Variants in KCNJ12 observed in about 807,000 individuals in gnomAD.
The protein encoded by KCNJ12 is ATP-sensitive inward rectifier potassium channel 12.
Under a neutral mutation model 22.3 loss-of-function variants are expected in KCNJ12, and 2 were observed. The ratio of observed to expected loss-of-function variants is 0.09; its 90% CI spans 0.04 to 0.28. The LOEUF is 0.28. KCNJ12 is among the 10% of genes least tolerant of loss of function. The pLI is 1.00. For missense variants in KCNJ12, 155 were observed against 633.3 expected (o/e 0.24, Z 8.11); for synonymous variants, 117 against 261.4 (o/e 0.45, Z 5.33).
At chr17:21,388,623 G>A (rs1905133545) in intron 1 of KCNJ12, among the ~76,000 whole-genome samples, 1 of 152,246 alleles carries the variant, frequency 6.6e-6, no homozygotes, top group Non-Finnish European at 1.5e-5. Flanking sequence ...AGGAAGTAGT[G>A]TGACGTCGTG....
intron 1 of KCNJ12, among the ~76,000 whole-genome samples, chr17:21,398,091 ATGTGTGTG>A (rs58836229): frequency 3.4e-5 from 5 of 146,924 alleles, no homozygotes; most frequent in South Asian, 2.2e-4. Context: ...ACGTGTGTGT[ATGTGTGTG>A]TGTGTGTGTG....
chr17:21,394,952 C>T (rs1186883678), intron 1 of KCNJ12, among the ~76,000 whole-genome samples: 1 of 152,218 alleles, frequency 6.6e-6, no homozygotes, highest in Admixed American at 6.5e-5. Context: ...CAGACCATGA[C>T]CACATGGGAT....
intron 1 of KCNJ12, among the ~76,000 whole-genome samples, chr17:21,400,356 C>T (rs567547517): frequency 2.0e-5 from 3 of 152,428 alleles, no homozygotes; most frequent in South Asian, 4.1e-4. Context: ...GTTTCCAGCC[C>T]TGTTGACCCT....
intron 2 of KCNJ12, among the ~76,000 whole-genome samples, chr17:21,411,408 A>G (rs1333306684): frequency 6.6e-6 from 1 of 151,942 alleles, no homozygotes; most frequent in Non-Finnish European, 1.5e-5. Context: ...CTCTCTCCCC[A>G]CTGCCTGCTC....
rs1233848314 is a variant in KCNJ12 at position 21,417,445 on chromosome 17, T to C, written c.*801T>C. 6.0e-6 allele frequency: 1 copy of C among 167,150 alleles called. No homozygotes were observed. Among genetic ancestry groups the C allele is most frequent in the African/African-American group, 2.4e-5 (1 of 41,464 alleles). The allele number at this position is 167,150 out of a possible 1,614,324, so 10.4% of individuals were successfully genotyped here. A position where few individuals can be genotyped will look rare whatever the true frequency, so the allele number is the denominator to read the frequency against. Reference sequence around the variant, plus strand: ...TGCCTTTGTACCTTAGAGATGTGTCTCAGGGCCAGGCATGGGACCTGCCAT... The same window carrying C: ...TGCCTTTGTACCTTAGAGATGTGTCCCAGGGCCAGGCATGGGACCTGCCAT... On this transcript the variant is annotated 3_prime_UTR_variant, in exon 3 of 3. Coordinates refer to ENST00000583088, the MANE Select transcript of KCNJ12 (RefSeq NM_021012.5).
At chr17:21,392,572 C>T (rs1485301372) in intron 1 of KCNJ12, among the ~76,000 whole-genome samples, 1 of 152,250 alleles carries the variant, frequency 6.6e-6, no homozygotes, top group African/African-American at 2.4e-5. Context: ...CCGGCACTGG[C>T]CTTGGAGGGG....
At chr17:21,408,150 T>G (rs1906093103) in intron 1 of KCNJ12, among the ~76,000 whole-genome samples, 1 of 152,302 alleles carries the variant, frequency 6.6e-6, no homozygotes, top group Non-Finnish European at 1.5e-5. Flanking sequence ...GTGGGAGAAT[T>G]ACCACATTAA....
At chr17:21,401,990 C>A (rs1352819730) in intron 1 of KCNJ12, among the ~76,000 whole-genome samples, 1 of 152,242 alleles carries the variant, frequency 6.6e-6, no homozygotes, top group Non-Finnish European at 1.5e-5. Flanking sequence ...TAGTGTCTGG[C>A]ATGCAGCTTC....
At chr17:21,389,154 G>A (rs1905146663) in intron 1 of KCNJ12, among the ~76,000 whole-genome samples, 1 of 152,220 alleles carries the variant, frequency 6.6e-6, no homozygotes, top group Admixed American at 6.5e-5. Flanking sequence ...TCCAGAGGAC[G>A]GGGTCTGAGT....
In KCNJ12 at chr17:21,391,571, G is replaced by T. The variant is rs115256164; in HGVS notation, c.-179+14658G>T. 6.1e-3 allele frequency among the ~76,000 whole-genome samples: 936 copies of T among 152,334 alleles called. 6 individuals carry two copies. Among genetic ancestry groups the T allele is most frequent in the African/African-American group, 0.021 (889 of 41,578 alleles). On this transcript the variant is annotated intron_variant, in intron 1 of 2. Coordinates refer to ENST00000583088, the MANE Select transcript of KCNJ12 (RefSeq NM_021012.5). ...TGTGCTCTCTGGGAACAACTGCCTTGCGGCGCTCCGCCCAGCCCTCTTCCT... is the reference window on the plus strand; with the variant it reads ...TGTGCTCTCTGGGAACAACTGCCTTTCGGCGCTCCGCCCAGCCCTCTTCCT...
chr17:21,412,082 T>C (rs562297617), intron 2 of KCNJ12, among the ~76,000 whole-genome samples: 1 of 152,418 alleles, frequency 6.6e-6, no homozygotes, highest in African/African-American at 2.4e-5. Flanking sequence ...GGCTGAGGAC[T>C]GACATTCTGG....
At chr17:21,402,572 A>G (rs1263790610) in intron 1 of KCNJ12, among the ~76,000 whole-genome samples, 1 of 152,428 alleles carries the variant, frequency 6.6e-6, no homozygotes, top group East Asian at 1.9e-4. Flanking sequence ...CCTGGACTCT[A>G]CATCTCTGAG....
intron 1 of KCNJ12, among the ~76,000 whole-genome samples, chr17:21,382,776 G>A (rs908303114): frequency 1.1e-4 from 17 of 152,208 alleles, no homozygotes; most frequent in Non-Finnish European, 2.2e-4. Flanking sequence ...AGCCAGGTGT[G>A]CCAGGATGGG....
intron 1 of KCNJ12, among the ~76,000 whole-genome samples, chr17:21,400,901 G>A (rs1369044138): frequency 1.3e-3 from 196 of 151,736 alleles, no homozygotes; most frequent in African/African-American, 4.2e-3. Flanking sequence ...GGTGGCAGCC[G>A]TCCTACTGAC....
chr17:21,390,732 T>A (rs1234009541), intron 1 of KCNJ12, among the ~76,000 whole-genome samples: 1 of 152,238 alleles, frequency 6.6e-6, no homozygotes, highest in Non-Finnish European at 1.5e-5. Flanking sequence ...TCTGTCAGGC[T>A]GTGGTTGGTT....
At chr17:21,411,224 A>G (rs1706156234) in intron 2 of KCNJ12, among the ~76,000 whole-genome samples, 1 of 152,298 alleles carries the variant, frequency 6.6e-6, no homozygotes, top group African/African-American at 2.4e-5. Context: ...CCTCCCGGTG[A>G]CTCCTGGACC....
chr17:21,376,441 C>G lies in KCNJ12; in HGVS notation c.-651C>G, dbSNP rs1555557258. ...TGCCTCCCGCCGCCTCCTCGCCCTC[C>G]ATTCCTCGCTCCCCGTCTTCTCCCG... On this transcript the variant is annotated 5_prime_UTR_variant, in exon 1 of 3. Coordinates refer to ENST00000583088, the MANE Select transcript of KCNJ12 (RefSeq NM_021012.5). This position sits in a 1 kb window ranked among gnomAD's most constrained non-coding sequence, Gnocchi z 5.3. 1 of 152,048 alleles carries G rather than the reference C, an allele frequency of 6.6e-6. No individual in the cohort carries two copies. The highest frequency in any genetic ancestry group is 2.4e-5 in the African/African-American group (1 of 41,378). The allele number at this position is 152,048 out of a possible 1,614,324, so 9.4% of individuals were successfully genotyped here. A position where few individuals can be genotyped will look rare whatever the true frequency, so the allele number is the denominator to read the frequency against.
intron 1 of KCNJ12, among the ~76,000 whole-genome samples, chr17:21,380,500 G>A (rs1309228539): frequency 1.3e-5 from 2 of 152,206 alleles, no homozygotes; most frequent in Non-Finnish European, 2.9e-5. Flanking sequence ...CCAAGATGGG[G>A]TCACTCTTCC....
intron 1 of KCNJ12, among the ~76,000 whole-genome samples, chr17:21,383,328 C>G (rs1019180385): frequency 1.3e-5 from 2 of 152,214 alleles, no homozygotes; most frequent in Non-Finnish European, 2.9e-5. Flanking sequence ...CGAGCCAACC[C>G]CGCCCCGACC....
Sources: allele counts gnomAD v4.1 joint callset (sites outside exome capture counted in the v4.1 genomes callset), GRCh38; gene constraint gnomAD v4.1.1; non-coding constraint Gnocchi (gnomAD v3.1); transcripts MANE v1.5; gene names NCBI Gene and HGNC (gene_info 2026-07-23, HGNC 2026-07-21).